SLC16A2: variants seen among roughly 807,000 people sequenced by gnomAD.
SLC16A2 encodes the protein monocarboxylate transporter 8.
Under a neutral mutation model 27.2 loss-of-function variants are expected in SLC16A2, and 3 were observed. That is an observed-to-expected ratio of 0.11 (90% CI 0.05 to 0.28). SLC16A2 has a LOEUF of 0.28. Ranked by LOEUF, SLC16A2 falls within the 10% of genes least tolerant of loss-of-function variation. The pLI is 1.00. For synonymous variants in SLC16A2, 202 were observed against 187.8 expected (o/e 1.08, Z -0.62); for missense variants, 295 against 458.5 (o/e 0.64, Z 3.26).
intron 1 of SLC16A2, among the ~76,000 whole-genome samples, chrX:74,494,350 A>G (rs903130405): frequency 1.5e-4 from 17 of 111,678 alleles, no homozygotes; most frequent in Non-Finnish European, 2.4e-4. Flanking sequence ...TCCAGCTTCA[A>G]CAATTATCAG....
At position 74,531,628 on chromosome X, in the gene SLC16A2, C is replaced by A; in HGVS notation, c.*75C>A. The A allele has an allele frequency of 1.2e-6, 1 of 819,345 alleles. No homozygotes were observed. The highest frequency in any genetic ancestry group is 3.1e-5 in the East Asian group (1 of 31,750). The allele number at this position is 819,345 out of a possible 1,213,427, so 67.5% of individuals were successfully genotyped here. ...ACCCTGCTCAGCATTTACATTTTTG[C>A]CACCAGCACACTTGTTCCCAGACCT... On this transcript the variant is annotated 3_prime_UTR_variant, in exon 6 of 6. Transcript: ENST00000587091.
chrX:74,449,224 A>G (rs1928893943), intron 1 of SLC16A2, among the ~76,000 whole-genome samples: 1 of 111,840 alleles, frequency 8.9e-6, no homozygotes, highest in African/African-American at 3.3e-5. Context: ...TTGCTGTGTG[A>G]CTGTGGACTA....
At chrX:74,442,138 G>A (rs934875580) in intron 1 of SLC16A2, among the ~76,000 whole-genome samples, 16 of 104,238 alleles carry the variant, frequency 1.5e-4, no homozygotes, top group African/African-American at 5.7e-4. Context: ...TGAGGCAGGA[G>A]AATCGCTTGA....
chrX:74,433,243 G>A (rs1353602648), intron 1 of SLC16A2, among the ~76,000 whole-genome samples: 2 of 110,368 alleles, frequency 1.8e-5, no homozygotes, highest in Non-Finnish European at 3.8e-5. Flanking sequence ...GCAGTGGTGT[G>A]CACCTGTAAT....
intron 1 of SLC16A2, among the ~76,000 whole-genome samples, chrX:74,444,694 T>C (rs2147843151): frequency 8.9e-6 from 1 of 112,101 alleles, no homozygotes; most frequent in South Asian, 3.8e-4. Context: ...GTTTTGAAGA[T>C]CAAATGAGAG....
intron 1 of SLC16A2, among the ~76,000 whole-genome samples, chrX:74,517,103 T>A (rs1930328274): frequency 1.8e-5 from 2 of 111,653 alleles, no homozygotes; most frequent in African/African-American, 6.5e-5. Context: ...GTTTCAGGAA[T>A]CTACCCATGA....
intron 1 of SLC16A2, among the ~76,000 whole-genome samples, chrX:74,490,193 G>A (rs1929799554): frequency 9.0e-6 from 1 of 111,058 alleles, no homozygotes; most frequent in African/African-American, 3.3e-5. Context: ...TTTAGAGTTT[G>A]CAGGTTGACC....
intron 1 of SLC16A2, among the ~76,000 whole-genome samples, chrX:74,479,997 ACT>A (rs1929580681): frequency 9.0e-6 from 1 of 111,076 alleles, no homozygotes; most frequent in African/African-American, 3.3e-5. Flanking sequence ...GAGAACCACT[ACT>A]CTCTTCAAAG....
intron 1 of SLC16A2, among the ~76,000 whole-genome samples, chrX:74,452,711 T>G (rs983860268): frequency 9.0e-6 from 1 of 110,904 alleles, no homozygotes; most frequent in Non-Finnish European, 1.9e-5. Flanking sequence ...TATACACAGG[T>G]CGTCCTTCAC....
chrX:74,423,442 G>T (rs981765120), intron 1 of SLC16A2, among the ~76,000 whole-genome samples: 1 of 112,006 alleles, frequency 8.9e-6, no homozygotes, highest in Non-Finnish European at 1.9e-5. Context: ...CCCTCTCCAG[G>T]ACTTGTGGTT....
intron 1 of SLC16A2, among the ~76,000 whole-genome samples, chrX:74,469,137 T>C (rs1929305431): frequency 8.9e-6 from 1 of 112,212 alleles, no homozygotes. Flanking sequence ...CTCACGTTGT[T>C]GCAAGTGACA....
intron 1 of SLC16A2, among the ~76,000 whole-genome samples, chrX:74,425,555 T>G (rs1928388197): frequency 9.0e-6 from 1 of 111,027 alleles, no homozygotes; most frequent in Non-Finnish European, 1.9e-5. Flanking sequence ...CAGGCAATTC[T>G]GTGGAAAGTA....
intron 1 of SLC16A2, among the ~76,000 whole-genome samples, chrX:74,498,042 T>A (rs1386577885): frequency 8.9e-6 from 1 of 111,795 alleles, no homozygotes; most frequent in African/African-American, 3.2e-5. Context: ...CCTTGGTCAC[T>A]CCTGGGTATA....
chrX:74,461,435 C>T lies in SLC16A2; in HGVS notation c.430+39368C>T, dbSNP rs769430001. ...GTGTGTGTGTGTGTGTGTGTGCACGCGTGCATGTGTGTCTGTCTGTGAAAA... is the reference window on the plus strand; with the variant it reads ...GTGTGTGTGTGTGTGTGTGTGCACGTGTGCATGTGTGTCTGTCTGTGAAAA... On this transcript the variant is annotated intron_variant, in intron 1 of 5. Coordinates refer to ENST00000587091, the MANE Select transcript of SLC16A2 (RefSeq NM_006517.5). Among the ~76,000 whole-genome samples the T allele has an allele frequency of 4.6e-5, 5 of 108,402 alleles. No homozygotes were observed. In the South Asian group the frequency reaches 1.2e-3, roughly 27 times the overall value. The allele number at this position is 108,402 out of a possible 115,157, so 94.1% of individuals were successfully genotyped here. A position where few individuals can be genotyped will look rare whatever the true frequency, so the allele number is the denominator to read the frequency against.
At chrX:74,530,248 G>A (rs1417888920) in intron 5 of SLC16A2, among the ~76,000 whole-genome samples, 3 of 108,776 alleles carry the variant, frequency 2.8e-5, no homozygotes, top group Non-Finnish European at 5.7e-5. Flanking sequence ...GTACAGGTGC[G>A]TGCCACCACA....
At chrX:74,463,629 C>A (rs910550120) in intron 1 of SLC16A2, among the ~76,000 whole-genome samples, 1 of 110,808 alleles carries the variant, frequency 9.0e-6, no homozygotes, top group Admixed American at 9.6e-5. Flanking sequence ...CGGGTTCATG[C>A]CATTCTCCTG....
At chrX:74,525,608 A>G in intron 3 of SLC16A2, 142 bp from the exon 4 acceptor site, 2 of 654,210 alleles carry the variant, frequency 3.1e-6, no homozygotes, top group Non-Finnish European at 4.9e-6. Flanking sequence ...AGAGCTTGTC[A>G]TGGAGGTAGG....
At chrX:74,439,161 T>TTTCTTTCTTTCTTTCTTTC (rs1445638315) in intron 1 of SLC16A2, among the ~76,000 whole-genome samples, 2 of 80,577 alleles carry the variant, frequency 2.5e-5, no homozygotes, top group Non-Finnish European at 4.4e-5. Flanking sequence ...TGCTCAACTC[T>TTTCTTTCTTTCTTTCTTTC]TTCTTTCTTT....
intron 1 of SLC16A2, among the ~76,000 whole-genome samples, chrX:74,499,066 T>C (rs1280370470): frequency 1.8e-5 from 2 of 112,269 alleles, no homozygotes; most frequent in Non-Finnish European, 3.8e-5. Context: ...TGAATCTCTT[T>C]GGAATCAAAT....
Sources: allele counts gnomAD v4.1 joint callset (sites outside exome capture counted in the v4.1 genomes callset), GRCh38; gene constraint gnomAD v4.1.1; transcripts MANE v1.5; gene names NCBI Gene and HGNC (gene_info 2026-07-23, HGNC 2026-07-21).